UGT8: variants seen among roughly 807,000 people sequenced by gnomAD.
UGT8 encodes the protein 2-hydroxyacylsphingosine 1-beta-galactosyltransferase.
Under a neutral mutation model 40.5 loss-of-function variants are expected in UGT8, and 12 were observed. The ratio of observed to expected loss-of-function variants is 0.30; its 90% confidence interval spans 0.19 to 0.48. The LOEUF is 0.48. Ranked by LOEUF, UGT8 falls within the 20% of genes least tolerant of loss-of-function variation. The probability of loss-of-function intolerance (pLI) is 0.99; values close to 1 mark genes in which losing one functional copy is unlikely to be tolerated. For synonymous variants in UGT8, 224 were observed against 240.4 expected, an observed-to-expected ratio of 0.93 and a Z score of 0.63; for missense variants, 513 against 648.7, an observed-to-expected ratio of 0.79 and a Z score of 2.27.
intron 2 of UGT8, among the ~76,000 whole-genome samples, chr4:114,648,371 GTT>G (rs71753758): frequency 0.85 from 106,851 of 125,560 alleles, 46,907 homozygotes; most frequent in East Asian, 0.98. Flanking sequence ...AGAAAATCTG[GTT>G]TTTTTTTTTT....
intron 5 of UGT8, among the ~76,000 whole-genome samples, chr4:114,670,333 A>G (rs1174067848): frequency 7.1e-6 from 1 of 141,784 alleles, no homozygotes; most frequent in Non-Finnish European, 1.5e-5. Flanking sequence ...GGGGAGGCTG[A>G]GGCAGGAGAA....
chr4:114,646,167 G>C (rs2126117836), intron 2 of UGT8, among the ~76,000 whole-genome samples: 1 of 152,110 alleles, frequency 6.6e-6, no homozygotes, highest in African/African-American at 2.4e-5. Context: ...CCACAGGATT[G>C]ATTAGTGACA....
chr4:114,631,637 G>T (rs926625031), intron 2 of UGT8, among the ~76,000 whole-genome samples: 30 of 152,106 alleles, frequency 2.0e-4, no homozygotes, highest in African/African-American at 7.2e-4. Context: ...ATCTGGGGTG[G>T]GTCTAATAAT....
At chr4:114,622,773 C>A in intron 1 of UGT8, 106 bp from the exon 2 acceptor site, 2 of 978,962 alleles carry the variant, frequency 2.0e-6, no homozygotes, top group Non-Finnish European at 2.9e-6. Context: ...TTTTTTTAGA[C>A]AAAGTATTAG....
intron 5 of UGT8, among the ~76,000 whole-genome samples, chr4:114,670,521 C>G (rs979957721): frequency 6.8e-6 from 1 of 147,292 alleles, no homozygotes; most frequent in African/African-American, 2.5e-5. Context: ...ATATGTAAAT[C>G]TATAAGGTAA....
chr4:114,665,877 A>G (rs193096037), intron 4 of UGT8, 121 bp downstream of exon 4: 8 of 613,514 alleles, frequency 1.3e-5, no homozygotes, highest in Middle Eastern at 4.3e-4. Context: ...AGTATATGGT[A>G]GAGTTATTAT....
At chr4:114,658,258 G>A (rs1257503278) in intron 2 of UGT8, among the ~76,000 whole-genome samples, 1 of 152,082 alleles carries the variant, frequency 6.6e-6, no homozygotes, top group Non-Finnish European at 1.5e-5. Context: ...TTGGTGTTGG[G>A]AATAAGAAAA....
chr4:114,623,140 A>G lies in UGT8; in HGVS notation c.260A>G (p.Gln87Arg), dbSNP rs781541134. 6.2e-7 allele frequency: 1 copy of G among 1,614,138 alleles called. No homozygotes were observed. The highest frequency in any genetic ancestry group is 8.5e-7 in the Non-Finnish European group (1 of 1,180,016). Residue 87 changes from glutamine to arginine, a missense_variant, in exon 2 of 6, where the codon CAG becomes CGG. Physicochemically the swap from Gln to Arg is conservative, Grantham distance 43. This residue lies in a region of UGT8 where 335 missense variants were observed against 444.8 expected (regional missense o/e 0.75). Transcript: ENST00000310836. ...AGTACCACCTCAGATGCTTTCCTAC[A>G]GTCCAAGATGCGGAATATTTTCTCT... ...FNSTTSDAFLQSKMRNIFSGR... is the reference protein window; with the variant it reads ...FNSTTSDAFLRSKMRNIFSGR...
chr4:114,642,576 G>T (rs935287897), intron 2 of UGT8, among the ~76,000 whole-genome samples: 1 of 152,228 alleles, frequency 6.6e-6, no homozygotes, highest in South Asian at 2.1e-4. Flanking sequence ...ATGAGCAGCT[G>T]TATATTGAAT....
At chr4:114,634,919 T>C (rs1036691343) in intron 2 of UGT8, among the ~76,000 whole-genome samples, 2 of 152,158 alleles carry the variant, frequency 1.3e-5, no homozygotes, top group African/African-American at 4.8e-5. Context: ...TTCTTATTTC[T>C]AGTGCAGTTG....
At chr4:114,614,008 T>C (rs1183617312) in intron 1 of UGT8, among the ~76,000 whole-genome samples, 2 of 152,204 alleles carry the variant, frequency 1.3e-5, no homozygotes. Flanking sequence ...TTATTTTTAT[T>C]TTCTCACTAT....
chr4:114,619,340 T>C (rs1731631410), intron 1 of UGT8: 1 of 152,094 alleles, frequency 6.6e-6, no homozygotes, highest in Non-Finnish European at 1.5e-5. Flanking sequence ...ATGTAAAAGG[T>C]ATATTGTACA....
At chr4:114,652,204 T>A (rs1450248896) in intron 2 of UGT8, among the ~76,000 whole-genome samples, 1 of 152,042 alleles carries the variant, frequency 6.6e-6, no homozygotes, top group Non-Finnish European at 1.5e-5. Context: ...ACCTGTTGAA[T>A]TTCAATAGAT....
chr4:114,648,439 T>C (rs972505495), intron 2 of UGT8, among the ~76,000 whole-genome samples: 6 of 151,408 alleles, frequency 4.0e-5, no homozygotes, highest in African/African-American at 1.5e-4. Flanking sequence ...TTAGGCTGTA[T>C]TGTAATAGTT....
At chr4:114,659,135 C>T (rs747051545) in intron 2 of UGT8, among the ~76,000 whole-genome samples, 10 of 152,184 alleles carry the variant, frequency 6.6e-5, no homozygotes, top group South Asian at 2.1e-4. Context: ...AGTGTCTATC[C>T]GGATCACGAT....
intron 2 of UGT8, among the ~76,000 whole-genome samples, chr4:114,640,105 A>G (rs1400381394): frequency 2.7e-4 from 39 of 144,262 alleles, no homozygotes; most frequent in South Asian, 4.3e-4. Context: ...ATCTCGGCTC[A>G]CTGCAAGCTC....
intron 2 of UGT8, among the ~76,000 whole-genome samples, chr4:114,638,702 A>G (rs1055107681): frequency 1.3e-5 from 2 of 152,168 alleles, no homozygotes; most frequent in Non-Finnish European, 2.9e-5. Flanking sequence ...GTTATGCTGA[A>G]TGTTCTCTAC....
At chr4:114,650,433 C>T (rs1372084915) in intron 2 of UGT8, among the ~76,000 whole-genome samples, 1 of 152,102 alleles carries the variant, frequency 6.6e-6, no homozygotes, top group African/African-American at 2.4e-5. Context: ...CATAGCATTC[C>T]AATAATGGAA....
intron 1 of UGT8, among the ~76,000 whole-genome samples, chr4:114,615,685 C>G (rs1731365764): frequency 6.6e-6 from 1 of 152,132 alleles, no homozygotes; most frequent in Non-Finnish European, 1.5e-5. Context: ...ATGTCTCATT[C>G]CAGCTGGCAG....
Sources: allele counts gnomAD v4.1 joint callset (sites outside exome capture counted in the v4.1 genomes callset), GRCh38; gene constraint gnomAD v4.1.1; regional missense constraint gnomAD v4.1.1; transcripts MANE v1.5; gene names NCBI Gene and HGNC (gene_info 2026-07-23, HGNC 2026-07-21).